The following EEIG1 variants were observed in gnomAD, a reference collection of about 807,000 sequenced individuals.
EEIG1 encodes the protein estrogen-induced osteoclastogenesis regulator 1, also known as early estrogen-induced gene 1 protein.
At chr9:127,952,023 A>AGGGGCCTGGC in the EEIG1 span, among the ~76,000 whole-genome samples, 1 of 152,186 alleles carries the variant, frequency 6.6e-6, no homozygotes, top group Non-Finnish European at 1.5e-5. Flanking sequence ...ACAGAAGGGA[A>AGGGGCCTGGC]GGGGCCTGGC....
the EEIG1 span, among the ~76,000 whole-genome samples, chr9:127,960,690 A>G: frequency 4.0e-3 from 608 of 152,274 alleles, 33 homozygotes; most frequent in East Asian, 0.08. Flanking sequence ...GCTCACAGTG[A>G]ATTGTGGGCT....
the EEIG1 span, chr9:127,945,568 AGG>A: frequency 6.4e-7 from 1 of 1,563,742 alleles, no homozygotes; most frequent in East Asian, 2.4e-5. The surrounding 1 kb of genome is among the most constrained non-coding windows in gnomAD (Gnocchi z 6.5). Context: ...GTAGCCTGTC[AGG>A]GGCGACGCAG....
chr9:127,966,027 CAA>C, the EEIG1 span, among the ~76,000 whole-genome samples: 1 of 145,630 alleles, frequency 6.9e-6, no homozygotes, highest in African/African-American at 2.5e-5. Flanking sequence ...GTTCCCCTGC[CAA>C]AGACACCCCT....
At chr9:127,971,770 G>A in the EEIG1 span, among the ~76,000 whole-genome samples, 1 of 152,220 alleles carries the variant, frequency 6.6e-6, no homozygotes, top group Non-Finnish European at 1.5e-5. Flanking sequence ...GCAGTGCCTT[G>A]AGATGAGGGC....
the EEIG1 span, among the ~76,000 whole-genome samples, chr9:127,960,174 G>GC: frequency 6.6e-6 from 1 of 152,216 alleles, no homozygotes; most frequent in Non-Finnish European, 1.5e-5. Context: ...TGACATCTGA[G>GC]CACGGCTTGG....
the EEIG1 span, among the ~76,000 whole-genome samples, chr9:127,980,920 A>G: frequency 6.7e-6 from 1 of 149,118 alleles, no homozygotes; most frequent in Non-Finnish European, 1.5e-5. Flanking sequence ...CCCTTCGAGC[A>G]GCAGCGCCGC....
At chr9:127,978,173 C>T in the EEIG1 span, among the ~76,000 whole-genome samples, 1 of 152,176 alleles carries the variant, frequency 6.6e-6, no homozygotes, top group South Asian at 2.1e-4. Flanking sequence ...AGAAAAAGCA[C>T]CCCACCCTGT....
At chr9:127,954,083 T>C in the EEIG1 span, among the ~76,000 whole-genome samples, 1 of 152,202 alleles carries the variant, frequency 6.6e-6, no homozygotes. Flanking sequence ...ACCACAAGAA[T>C]GTACTCGTGT....
At chr9:127,944,195 G>A in the EEIG1 span, 1,860 of 248,270 alleles carry the variant, frequency 7.5e-3, 27 homozygotes, top group South Asian at 0.017. Flanking sequence ...TTCACTTAGG[G>A]CCTAGTGCCT....
chr9:127,954,047 C>T, the EEIG1 span: 1 of 1,164,168 alleles, frequency 8.6e-7, no homozygotes, highest in African/African-American at 1.5e-5. Context: ...CACTTTCACT[C>T]TGTGTCACAA....
the EEIG1 span, chr9:127,948,016 A>G: frequency 5.1e-6 from 8 of 1,560,314 alleles, no homozygotes; most frequent in Non-Finnish European, 7.0e-6. Context: ...CATGACATGG[A>G]GGTAAACCCC....
At chr9:127,956,795 A>G in the EEIG1 span, among the ~76,000 whole-genome samples, 1 of 151,924 alleles carries the variant, frequency 6.6e-6, no homozygotes, top group South Asian at 2.1e-4. Context: ...GCTCACTGCA[A>G]CCTCCACCTG....
At chr9:127,944,336 G>A in the EEIG1 span, 1 of 569,488 alleles carries the variant, frequency 1.8e-6, no homozygotes, top group Non-Finnish European at 3.1e-6. Context: ...CCCCTGCCAT[G>A]TGCTGAGCCC....
At chr9:127,945,851 C>A in the EEIG1 span, 1 of 800,392 alleles carries the variant, frequency 1.2e-6, no homozygotes, top group Non-Finnish European at 2.1e-6. This position sits in a 1 kb window ranked among gnomAD's most constrained non-coding sequence, Gnocchi z 6.5. Context: ...CCTCCCATGG[C>A]AGGGCGCCAT....
the EEIG1 span, among the ~76,000 whole-genome samples, chr9:127,975,028 T>A: frequency 6.6e-6 from 1 of 152,350 alleles, no homozygotes; most frequent in African/African-American, 2.4e-5. Context: ...CTCCACACTG[T>A]GCCTGTGAGC....
At chr9:127,947,638 C>G in the EEIG1 span, among the ~76,000 whole-genome samples, 1 of 152,170 alleles carries the variant, frequency 6.6e-6, no homozygotes, top group Admixed American at 6.5e-5. Context: ...GCTCCCAGCA[C>G]GTCCCTCTGC....
chr9:127,943,424 A>G, the EEIG1 span: 1 of 620,674 alleles, frequency 1.6e-6, no homozygotes, highest in Non-Finnish European at 2.9e-6. Context: ...AGTAAGCATC[A>G]GAGTCTGTGG....
chr9:127,943,190 C>G, the EEIG1 span: 1 of 1,614,126 alleles, frequency 6.2e-7, no homozygotes, highest in Non-Finnish European at 8.5e-7. Flanking sequence ...GACACCTGCT[C>G]CTCAATGGCT....
the EEIG1 span, among the ~76,000 whole-genome samples, chr9:127,960,154 C>G: frequency 1.3e-5 from 2 of 152,146 alleles, no homozygotes; most frequent in South Asian, 4.1e-4. Flanking sequence ...AGGGATGGCC[C>G]TTAGGGCAGT....
Sources: allele counts gnomAD v4.1 joint callset (sites outside exome capture counted in the v4.1 genomes callset), GRCh38; gene constraint gnomAD v4.1.1; non-coding constraint Gnocchi (gnomAD v3.1); transcripts MANE v1.5; gene names NCBI Gene and HGNC (gene_info 2026-07-23, HGNC 2026-07-21).